Variants in SAMM50 observed in about 807,000 individuals in gnomAD.
The protein encoded by SAMM50 is SAMM50 sorting and assembly machinery component.
A neutral mutation model predicts 66.9 loss-of-function variants in SAMM50; 47 were observed. That is an observed-to-expected ratio of 0.70 (90% confidence interval 0.56 to 0.90). The LOEUF (loss-of-function observed/expected upper bound fraction) is 0.90. Ranked by LOEUF, SAMM50 falls within the 40% of genes least tolerant of loss-of-function variation. The pLI, the probability that SAMM50 is intolerant of heterozygous loss-of-function variation, is 0.00. For missense variants in SAMM50, 535 were observed against 595.3 expected, an observed-to-expected ratio of 0.90 and a Z score of 1.05; for synonymous variants, 191 against 214.1, an observed-to-expected ratio of 0.89 and a Z score of 0.94.
At chr22:43,959,537 C>CAG (rs1555887101) in intron 1 of SAMM50, among the ~76,000 whole-genome samples, 42 of 151,730 alleles carry the variant, frequency 2.8e-4, no homozygotes, top group African/African-American at 9.9e-4. Flanking sequence ...CACACACACA[C>CAG]ACACACTTTT....
rs748162093 is a variant in SAMM50 at position 43,976,082 on chromosome 22, G to A, written c.676G>A (p.Val226Ile). The A allele has an allele frequency of 2.5e-6, 4 of 1,612,338 alleles. No homozygotes were observed. The highest frequency in any genetic ancestry group is 3.3e-5 in the Admixed American group (2 of 60,006). The part of the protein sequence containing the change: ...SFPIWKTSHT[V>I]KWEGVWRELG... The stretch of plus-strand genomic sequence containing the variant: ...TCCCATATGGAAGACCAGCCACACT[G>A]TCAAGTGGGAAGGCGTATGGCGAGA... The change falls in exon 8 of 15, where the codon GTC becomes ATC. Residue 226 changes from valine to isoleucine, a missense_variant. Val to Ile is a conservative substitution (Grantham distance 29, BLOSUM62 3). Coordinates refer to ENST00000350028, the MANE Select transcript of SAMM50 (RefSeq NM_015380.5).
At chr22:43,972,197 C>T in intron 4 of SAMM50, 39 bp from the exon 5 acceptor site, 1 of 1,313,816 alleles carries the variant, frequency 7.6e-7, no homozygotes, top group Admixed American at 2.4e-5. Context: ...AGTAAAATAA[C>T]ATCCTGGCTG....
chr22:43,963,484 T>C (rs1205803086), intron 2 of SAMM50, 88 bp downstream of exon 2: 31 of 708,316 alleles, frequency 4.4e-5, no homozygotes, highest in Non-Finnish European at 6.7e-5. Context: ...GGAATTAACC[T>C]GTTTCCGTGC....
chr22:43,960,626 G>A (rs2050142953), intron 1 of SAMM50, among the ~76,000 whole-genome samples: 2 of 152,136 alleles, frequency 1.3e-5, no homozygotes, highest in Non-Finnish European at 2.9e-5. Context: ...CTAGCTGGGA[G>A]GCTGAGACAT....
At chr22:43,969,525 G>A (rs973308558) in intron 4 of SAMM50, among the ~76,000 whole-genome samples, 16 of 152,180 alleles carry the variant, frequency 1.1e-4, no homozygotes, top group African/African-American at 3.4e-4. Context: ...GGGCAGACCA[G>A]TAAGTGATGG....
At chr22:43,960,526 C>G (rs1697780701) in intron 1 of SAMM50, among the ~76,000 whole-genome samples, 2 of 152,052 alleles carry the variant, frequency 1.3e-5, no homozygotes, top group Non-Finnish European at 2.9e-5. Flanking sequence ...GTCAGGAGTT[C>G]AAGACCAGCC....
chr22:43,959,250 C>A (rs1035513037), intron 1 of SAMM50, among the ~76,000 whole-genome samples: 1 of 151,934 alleles, frequency 6.6e-6, no homozygotes, highest in African/African-American at 2.4e-5. Context: ...AACTCCTGAT[C>A]TCAGGTGATC....
chr22:43,989,339 CTTTTTT>C, intron 13 of SAMM50, 82 bp downstream of exon 13: 3 of 987,300 alleles, frequency 3.0e-6, no homozygotes, highest in Non-Finnish European at 4.2e-6. Flanking sequence ...AGGTGTCTGT[CTTTTTT>C]TTTTTTTTTT....
intron 1 of SAMM50, among the ~76,000 whole-genome samples, chr22:43,956,220 C>G (rs1228774220): frequency 6.6e-6 from 1 of 152,152 alleles, no homozygotes; most frequent in Non-Finnish European, 1.5e-5. Context: ...CTCGTTTATC[C>G]TAATCTTAAA....
At chr22:43,959,139 C>A (rs1439208012) in intron 1 of SAMM50, among the ~76,000 whole-genome samples, 1 of 151,814 alleles carries the variant, frequency 6.6e-6, no homozygotes, top group Non-Finnish European at 1.5e-5. Flanking sequence ...CTACCTCAGC[C>A]CCCTGAGTGG....
At chr22:43,970,203 G>A (rs924578323) in intron 4 of SAMM50, among the ~76,000 whole-genome samples, 3 of 152,166 alleles carry the variant, frequency 2.0e-5, no homozygotes, top group Admixed American at 1.3e-4. Flanking sequence ...AGGTCACCTT[G>A]GGCTGGCGTG....
chr22:43,965,184 TAA>T (rs34840511), intron 3 of SAMM50, among the ~76,000 whole-genome samples: 29 of 132,974 alleles, frequency 2.2e-4, no homozygotes, highest in Admixed American at 5.3e-4. Context: ...CATTCCCACT[TAA>T]AAAAAAAAAA....
chr22:43,974,596 T>C (rs2050221789), intron 7 of SAMM50: 1 of 152,304 alleles, frequency 6.6e-6, no homozygotes, highest in Non-Finnish European at 1.5e-5. Flanking sequence ...ATTTGCACTT[T>C]CATTTCCTTT....
chr22:43,963,444 C>T, intron 2 of SAMM50, 48 bp downstream of exon 2: 2 of 1,122,550 alleles, frequency 1.8e-6, no homozygotes, highest in Non-Finnish European at 1.3e-6. Flanking sequence ...TGGAAACATT[C>T]ACTTCCATAC....
intron 8 of SAMM50, 77 bp from the exon 9 acceptor site, chr22:43,976,673 C>G: frequency 9.6e-7 from 1 of 1,037,706 alleles, no homozygotes; most frequent in Non-Finnish European, 1.5e-6. Context: ...CGTGGTGTGG[C>G]CCACGTGCTG....
chr22:43,992,887 C>G (rs556971626), intron 14 of SAMM50, among the ~76,000 whole-genome samples: 2 of 152,216 alleles, frequency 1.3e-5, no homozygotes, highest in Admixed American at 6.5e-5. Context: ...TTGTGACAAG[C>G]CATAGATGGG....
At chr22:43,989,556 TC>T (rs2050312141) in intron 13 of SAMM50, among the ~76,000 whole-genome samples, 1 of 151,994 alleles carries the variant, frequency 6.6e-6, no homozygotes, top group Non-Finnish European at 1.5e-5. Flanking sequence ...CAGGATGGTC[TC>T]GATCTCTTGA....
intron 5 of SAMM50, 70 bp from the exon 6 acceptor site, chr22:43,972,801 T>A: frequency 1.4e-6 from 2 of 1,413,180 alleles, no homozygotes; most frequent in East Asian, 2.3e-5. Context: ...GCTAGCATAG[T>A]CTTTATCCAA....
intron 14 of SAMM50, among the ~76,000 whole-genome samples, chr22:43,991,296 TGAGACTCG>T (rs1376545275): frequency 1.3e-4 from 20 of 149,074 alleles, no homozygotes; most frequent in Non-Finnish European, 1.5e-5. Context: ...TTTTTTTTTT[TGAGACTCG>T]GTCTTTCTCT....
Sources: gnomAD v4.1 joint callset for allele counts (sites outside exome capture counted in the v4.1 genomes callset) on GRCh38, gnomAD v4.1.1 for gene constraint, MANE v1.5 for transcripts, NCBI Gene and HGNC (gene_info 2026-07-23, HGNC 2026-07-21) for gene names.